The following MAML2 variants were observed in gnomAD, a reference collection of about 807,000 sequenced individuals.
MAML2 encodes the protein mastermind like transcriptional coactivator 2.
A neutral mutation model predicts 96.1 loss-of-function variants in MAML2; 22 were observed. The ratio of observed to expected loss-of-function variants is 0.23; its 90% CI spans 0.16 to 0.33. MAML2 has a LOEUF of 0.33. MAML2 is among the 10% of genes least tolerant of loss of function. MAML2 has a pLI of 1.00. For missense variants in MAML2, 1,367 were observed against 1,392.4 expected (o/e 0.98, Z 0.29); for synonymous variants, 561 against 521.3 (o/e 1.08, Z -1.04).
intron 1 of MAML2, among the ~76,000 whole-genome samples, chr11:96,149,407 A>C (rs1441023886): frequency 4.5e-5 from 4 of 89,770 alleles, no homozygotes; most frequent in Non-Finnish European, 8.4e-5. Context: ...ACAGAGTGAG[A>C]CTCCGTCACA....
chr11:96,275,486 G>A (rs143565552), intron 1 of MAML2, among the ~76,000 whole-genome samples: 252 of 152,056 alleles, frequency 1.7e-3, no homozygotes, highest in Admixed American at 2.7e-3. Context: ...AGCCAGGATG[G>A]TCTTGGTCTC....
chr11:96,214,911 G>A (rs1225168348), intron 1 of MAML2, among the ~76,000 whole-genome samples: 1 of 152,246 alleles, frequency 6.6e-6, no homozygotes, highest in Non-Finnish European at 1.5e-5. Flanking sequence ...AGGAAGTAGA[G>A]GCTGAGGATT....
chr11:96,259,202 C>A (rs548666107), intron 1 of MAML2, among the ~76,000 whole-genome samples: 7 of 152,296 alleles, frequency 4.6e-5, no homozygotes, highest in Non-Finnish European at 8.8e-5. Flanking sequence ...AAGTGAAGGC[C>A]AGCCCCCTTC....
intron 2 of MAML2, among the ~76,000 whole-genome samples, chr11:96,061,731 C>A (rs532483949): frequency 4.6e-5 from 7 of 152,230 alleles, no homozygotes; most frequent in Non-Finnish European, 8.8e-5. Context: ...AAGAAATTTC[C>A]ATTTCAAACA....
intron 1 of MAML2, among the ~76,000 whole-genome samples, chr11:96,126,849 A>G (rs1860446840): frequency 6.6e-6 from 1 of 152,212 alleles, no homozygotes; most frequent in Non-Finnish European, 1.5e-5. Flanking sequence ...ATAGTGGTGA[A>G]CAACACAAAA....
Position 96,147,434 on chromosome 11 carries a change from T to C in MAML2, c.514-53917A>G, listed in dbSNP as rs151100708. 3.2e-3 allele frequency among the ~76,000 whole-genome samples: 482 copies of C among 152,370 alleles called. 2 individuals carry two copies. Among genetic ancestry groups the C allele is most frequent in the Middle Eastern group, 0.01 (3 of 294 alleles). ...CATAACAGTCTTAGGAAATGATTCATGAATGCATTAAACCCTCCCTTAATC... is the reference window on the plus strand; with the variant it reads ...CATAACAGTCTTAGGAAATGATTCACGAATGCATTAAACCCTCCCTTAATC... On this transcript the variant is annotated intron_variant, in intron 1 of 4. Coordinates refer to ENST00000524717, the MANE Select transcript of MAML2 (RefSeq NM_032427.4).
At chr11:96,191,482 A>T (rs1469376991) in intron 1 of MAML2, among the ~76,000 whole-genome samples, 3 of 92,744 alleles carry the variant, frequency 3.2e-5, no homozygotes, top group Non-Finnish European at 6.6e-5. Context: ...TAACAATAAT[A>T]AAAAAAAAAA....
Position 96,122,777 on chromosome 11 carries a change from C to T in MAML2, c.514-29260G>A, listed in dbSNP as rs115039750. Among the ~76,000 whole-genome samples, 882 of 152,286 alleles carry T rather than the reference C, an allele frequency of 5.8e-3. 12 individuals carry two copies. The highest frequency in any genetic ancestry group is 0.02 in the African/African-American group (827 of 41,552). Reference sequence around the variant, plus strand: ...ATACCATTCTTTACATGCCCAGTCTCGTTCTCAGAAAGCCCCATGTAAGTG... The same window carrying T: ...ATACCATTCTTTACATGCCCAGTCTTGTTCTCAGAAAGCCCCATGTAAGTG... On this transcript the variant is annotated intron_variant, in intron 1 of 4. Coordinates refer to ENST00000524717, the MANE Select transcript of MAML2 (RefSeq NM_032427.4).
chr11:96,102,513 C>G lies in MAML2; in HGVS notation c.514-8996G>C, dbSNP rs891804294. Among the ~76,000 whole-genome samples the G allele has an allele frequency of 2.0e-5, 3 of 152,106 alleles. No individual in the cohort carries two copies. In the East Asian group the frequency reaches 5.8e-4, roughly 29 times the overall value. ...CACTCCCTTATAATGAAGTACCCCTCAAATATTCAAATGAATATCATGTTT... is the reference window on the plus strand; with the variant it reads ...CACTCCCTTATAATGAAGTACCCCTGAAATATTCAAATGAATATCATGTTT... On this transcript the variant is annotated intron_variant, in intron 1 of 4. Transcript: ENST00000524717.
intron 2 of MAML2, among the ~76,000 whole-genome samples, chr11:96,076,788 A>T (rs1182018670): frequency 2.0e-5 from 3 of 152,234 alleles, no homozygotes; most frequent in Non-Finnish European, 2.9e-5. Context: ...AATCTTCACC[A>T]GGCCACAGCT....
Position 96,162,789 on chromosome 11 carries a change from T to C in MAML2, c.514-69272A>G, listed in dbSNP as rs144848699. On this transcript the variant is annotated intron_variant, in intron 1 of 4. Coordinates refer to ENST00000524717, the MANE Select transcript of MAML2 (RefSeq NM_032427.4). ...CATGGAACTTACAGTTGAGCTTAACTACCCTGAACAAGGGGGTCTGAGGAG... is the reference window on the plus strand; with the variant it reads ...CATGGAACTTACAGTTGAGCTTAACCACCCTGAACAAGGGGGTCTGAGGAG... Among the ~76,000 whole-genome samples, 810 of 151,924 alleles carry C rather than the reference T, an allele frequency of 5.3e-3. 6 individuals are homozygous for C. Among genetic ancestry groups the C allele is most frequent in the African/African-American group, 0.018 (728 of 41,462 alleles).
intron 1 of MAML2, among the ~76,000 whole-genome samples, chr11:96,131,649 G>C (rs1860550768): frequency 6.6e-6 from 1 of 152,166 alleles, no homozygotes; most frequent in South Asian, 2.1e-4. Flanking sequence ...TGACTGCTAA[G>C]GGACGTGGAG....
chr11:96,342,968 T>A lies in MAML2; in HGVS notation c.-1073A>T. 1 of 386,450 alleles carries A rather than the reference T, an allele frequency of 2.6e-6. No individual in the cohort carries two copies. The allele number at this position is 386,450 out of a possible 1,614,324, so 23.9% of individuals were successfully genotyped here. A position where few individuals can be genotyped will look rare whatever the true frequency, so the allele number is the denominator to read the frequency against. On this transcript the variant is annotated 5_prime_UTR_variant, in exon 1 of 5. Coordinates refer to ENST00000524717, the MANE Select transcript of MAML2 (RefSeq NM_032427.4). ...CACTTTTCTGTCCACTTTTGTACAT[T>A]CCATCCCCGGCCAGTGGATCTGAGG...
chr11:96,116,178 C>A (rs1301554707), intron 1 of MAML2, among the ~76,000 whole-genome samples: 1 of 152,150 alleles, frequency 6.6e-6, no homozygotes, highest in Non-Finnish European at 1.5e-5. Context: ...TCTCTTTATA[C>A]CGCTATAAGT....
rs1363677398 is a variant in MAML2, at chr11:96,256,872, GA to G, written c.513+84510del. 1.3e-5 allele frequency among the ~76,000 whole-genome samples: 2 copies of G among 152,138 alleles called. 1 individual carries two copies. Among genetic ancestry groups the G allele is most frequent in the Middle Eastern group, 6.8e-3 (2 of 294 alleles). ...CATAAATATCTCAACAGAAAGAAAG[GA>G]AAAAACCTACAATCCAGAAGCAGGC... On this transcript the variant is annotated intron_variant, in intron 1 of 4. Transcript: ENST00000524717.
chr11:96,077,204 C>T (rs1463883241), intron 2 of MAML2, among the ~76,000 whole-genome samples: 2 of 143,294 alleles, frequency 1.4e-5, no homozygotes, highest in African/African-American at 2.6e-5. Context: ...GACTTTTTAC[C>T]CCAACTCTCT....
intron 1 of MAML2, among the ~76,000 whole-genome samples, chr11:96,339,774 C>T (rs1438111665): frequency 2.0e-5 from 3 of 152,220 alleles, no homozygotes; most frequent in Admixed American, 6.5e-5. Context: ...AAACCTCATT[C>T]TTCTCTCCAT....
At chr11:96,117,814 G>C (rs1860270332) in intron 1 of MAML2, among the ~76,000 whole-genome samples, 1 of 152,152 alleles carries the variant, frequency 6.6e-6, no homozygotes, top group Non-Finnish European at 1.5e-5. Context: ...AGAGTTATAA[G>C]AAGAAGCCTG....
chr11:96,299,902 A>G (rs1290449949), intron 1 of MAML2, among the ~76,000 whole-genome samples: 5 of 152,210 alleles, frequency 3.3e-5, no homozygotes, highest in Admixed American at 3.3e-4. Context: ...CAATGGGGAA[A>G]AGGGATAAGG....
Sources: allele counts gnomAD v4.1 joint callset (sites outside exome capture counted in the v4.1 genomes callset), GRCh38; gene constraint gnomAD v4.1.1; transcripts MANE v1.5; gene names NCBI Gene and HGNC (gene_info 2026-07-23, HGNC 2026-07-21).